The following NUMB variants were observed in gnomAD, a reference collection of about 807,000 sequenced individuals.
NUMB encodes the protein protein numb homolog.
In NUMB, 29 loss-of-function variants were observed where a neutral mutation model predicts 59.7. The ratio of observed to expected loss-of-function variants is 0.49; its 90% CI spans 0.36 to 0.66. NUMB has a LOEUF of 0.66. Among genes scored for constraint, NUMB ranks in the 30% least tolerant of loss-of-function variants. The pLI, the probability that NUMB is intolerant of heterozygous loss-of-function variation, is 0.00. For missense variants in NUMB, 723 were observed against 822.0 expected (o/e 0.88, Z 1.47); for synonymous variants, 288 against 288.2 (o/e 1.00, Z 0.01).
chr14:73,401,523 T>C (rs1566781030), intron 2 of NUMB, among the ~76,000 whole-genome samples: 1 of 151,520 alleles, frequency 6.6e-6, no homozygotes, highest in Non-Finnish European at 1.5e-5. Context: ...AGCACATCCA[T>C]GTGTACAACG....
chr14:73,291,088 T>G lies in NUMB; in HGVS notation c.450+1646A>C, dbSNP rs996229885. ...TTTCTGTTTAGTTTTTGTTTTTTGT[T>G]TTTTTTTTTTGAGATGGAGTCTTGC... is the stretch of plus-strand genomic sequence containing the variant. On this transcript the variant is annotated intron_variant, in intron 8 of 12. Coordinates refer to ENST00000555238, the MANE Select transcript of NUMB (RefSeq NM_001005743.2). Among the ~76,000 whole-genome samples, 9 of 150,220 alleles carry G rather than the reference T, an allele frequency of 6.0e-5. 1 individual carries two copies. Among genetic ancestry groups the G allele is most frequent in the South Asian group, 2.1e-4 (1 of 4,780 alleles).
Position 73,276,838 on chromosome 14 carries a change from C to G in NUMB, c.1696G>C (p.Glu566Gln), listed in dbSNP as rs1023962835. Reference protein sequence around the residue: ...LVRQQTFPHYEASSATTSPFF... With the variant: ...LVRQQTFPHYQASSATTSPFF... ...GGACTGGTGGTAGCACTGCTTGCCT[C>G]GTAGTGAGGGAATGTCTGCTGCCTG... The change falls in exon 13 of 13, where the codon GAG (glutamate) becomes CAG (glutamine). Residue 566 changes from glutamate (E) to glutamine (Q), a missense_variant. Glu to Gln is a conservative substitution (Grantham distance 29). This residue lies in a region of NUMB where 406 missense variants were observed against 385.4 expected (regional missense o/e 1.05). Coordinates refer to ENST00000555238, the MANE Select transcript of NUMB (RefSeq NM_001005743.2). 1.9e-6 allele frequency: 3 copies of G among 1,613,934 alleles called. No individual in the cohort carries two copies. The Admixed American group carries it at 5.0e-5, about 27-fold the overall frequency.
chr14:73,456,820 T>C (rs1884408810), intron 1 of NUMB, among the ~76,000 whole-genome samples: 2 of 152,308 alleles, frequency 1.3e-5, no homozygotes, highest in South Asian at 4.1e-4. Context: ...TTGAGATAAA[T>C]ATAAATTATT....
intron 2 of NUMB, among the ~76,000 whole-genome samples, chr14:73,367,425 T>C (rs1894422236): frequency 6.6e-6 from 1 of 150,558 alleles, no homozygotes; most frequent in Non-Finnish European, 1.5e-5. Context: ...AATCCCATTC[T>C]ACACATATCC....
chr14:73,315,486 G>C (rs1891038957), intron 6 of NUMB, among the ~76,000 whole-genome samples: 1 of 152,102 alleles, frequency 6.6e-6, no homozygotes, highest in Non-Finnish European at 1.5e-5. Context: ...TCTGAACACT[G>C]AATAATCATT....
intron 6 of NUMB, among the ~76,000 whole-genome samples, chr14:73,303,698 C>T (rs1566734728): frequency 6.6e-6 from 1 of 152,138 alleles, no homozygotes; most frequent in Non-Finnish European, 1.5e-5. Context: ...GCTGCTCTAA[C>T]ACTTTCTACT....
At chr14:73,353,787 C>T (rs1893611132) in intron 4 of NUMB, among the ~76,000 whole-genome samples, 1 of 151,584 alleles carries the variant, frequency 6.6e-6, no homozygotes, top group South Asian at 2.1e-4. Context: ...ATTTATACTC[C>T]AAGCAACCAA....
chr14:73,398,409 AGAGAGAGTGTGTGTGTGT>A (rs1208997416), intron 2 of NUMB, among the ~76,000 whole-genome samples: 61 of 120,222 alleles, frequency 5.1e-4, no homozygotes, highest in African/African-American at 1.7e-3. Flanking sequence ...AGAGAGAGAG[AGAGAGAGTGTGTGTGTGT>A]GTGTGTGTGT....
At chr14:73,404,260 AAAT>A (rs10677503) in intron 2 of NUMB, among the ~76,000 whole-genome samples, 8,562 of 145,914 alleles carry the variant, frequency 0.059, 693 homozygotes, top group African/African-American at 0.19. Context: ...AAAAAAGGTA[AAAT>A]AATAATAATA....
intron 6 of NUMB, among the ~76,000 whole-genome samples, chr14:73,304,297 G>GTTTCTTTC (rs752150508): frequency 2.7e-5 from 4 of 150,186 alleles, no homozygotes; most frequent in East Asian, 1.9e-4. Context: ...AGAAACCACT[G>GTTTCTTTC]TTTCTTTCTT....
intron 3 of NUMB, among the ~76,000 whole-genome samples, chr14:73,362,529 G>T (rs143533953): frequency 4.6e-5 from 7 of 152,128 alleles, no homozygotes; most frequent in African/African-American, 1.7e-4. Flanking sequence ...CTTCAGTTGT[G>T]ACCTCCCAGA....
At chr14:73,326,282 A>C (rs1270989999) in intron 4 of NUMB, among the ~76,000 whole-genome samples, 1 of 152,124 alleles carries the variant, frequency 6.6e-6, no homozygotes. Flanking sequence ...ATACACACAG[A>C]ATAGATCAGA....
At chr14:73,408,192 A>G (rs1474893516) in intron 2 of NUMB, among the ~76,000 whole-genome samples, 1 of 151,334 alleles carries the variant, frequency 6.6e-6, no homozygotes, top group Non-Finnish European at 1.5e-5. Context: ...GCGCCACTGC[A>G]CTCCAGCCTG....
chr14:73,453,096 A>G (rs924104099), intron 1 of NUMB, among the ~76,000 whole-genome samples: 4 of 151,598 alleles, frequency 2.6e-5, no homozygotes, highest in Non-Finnish European at 5.9e-5. Flanking sequence ...TTGCCTCAAG[A>G]TTTCGAAGTG....
At chr14:73,300,143 C>T (rs553641972) in intron 6 of NUMB, among the ~76,000 whole-genome samples, 1 of 152,166 alleles carries the variant, frequency 6.6e-6, no homozygotes, top group East Asian at 1.9e-4. Flanking sequence ...ATCCTCTTCA[C>T]GTGCTGAATG....
At chr14:73,338,693 G>A (rs907926335) in intron 4 of NUMB, among the ~76,000 whole-genome samples, 7 of 152,146 alleles carry the variant, frequency 4.6e-5, no homozygotes, top group African/African-American at 1.4e-4. Flanking sequence ...TGTCAATGGG[G>A]AGTGTTTAGA....
intron 2 of NUMB, among the ~76,000 whole-genome samples, chr14:73,379,994 A>T (rs961378383): frequency 1.3e-5 from 2 of 152,192 alleles, no homozygotes; most frequent in African/African-American, 4.8e-5. Flanking sequence ...ATAGATCATA[A>T]AACAGGGAAC....
intron 1 of NUMB, among the ~76,000 whole-genome samples, chr14:73,452,687 G>C (rs1884071002): frequency 6.6e-6 from 1 of 152,186 alleles, no homozygotes; most frequent in South Asian, 2.1e-4. Context: ...CACTGGAGAG[G>C]ACAAGTGGGA....
chr14:73,298,149 A>G (rs749357504), intron 6 of NUMB: 255 of 152,288 alleles, frequency 1.7e-3, no homozygotes, highest in Non-Finnish European at 2.9e-3. Flanking sequence ...TCAGCCTCCC[A>G]AAGTGCTGGG....
Sources: allele counts gnomAD v4.1 joint callset (sites outside exome capture counted in the v4.1 genomes callset), GRCh38; gene constraint gnomAD v4.1.1; regional missense constraint gnomAD v4.1.1; transcripts MANE v1.5; gene names NCBI Gene and HGNC (gene_info 2026-07-23, HGNC 2026-07-21).